The following CTTNBP2NL variants were observed in gnomAD, a reference collection of about 807,000 sequenced individuals.
CTTNBP2NL encodes CTTNBP2 N-terminal like.
A neutral mutation model predicts 32.5 loss-of-function variants in CTTNBP2NL; 16 were observed. The ratio of observed to expected loss-of-function variants is 0.49; its 90% CI spans 0.33 to 0.75. The LOEUF (loss-of-function observed/expected upper bound fraction) is 0.75, where lower values mean the gene tolerates loss of function less well. Among genes scored for constraint, CTTNBP2NL ranks in the 30% least tolerant of loss-of-function variants. The pLI is 0.02. For missense variants in CTTNBP2NL, 645 were observed against 756.0 expected (o/e 0.85, Z 1.72); for synonymous variants, 298 against 289.4 (o/e 1.03, Z -0.30).
chr1:112,411,805 C>A (rs1192907227), intron 1 of CTTNBP2NL, among the ~76,000 whole-genome samples: 2 of 151,974 alleles, frequency 1.3e-5, no homozygotes, highest in South Asian at 2.1e-4. Context: ...GCCTTAGCCT[C>A]GTGAGTAGCT....
chr1:112,429,695 A>C (rs1305351832), intron 3 of CTTNBP2NL, among the ~76,000 whole-genome samples: 1 of 152,222 alleles, frequency 6.6e-6, no homozygotes, highest in Non-Finnish European at 1.5e-5. Context: ...TGCTAGAAAC[A>C]ATTTAGTGTC....
Position 112,416,264 on chromosome 1 carries a change from G to T in CTTNBP2NL, c.99G>T (p.Lys33Asn). ...EARDLVIEAL[K>N]AQHRDTFIEE... ...GGGACCTTGTTATAGAAGCCTTAAA[G>T]GTATGTTAAAAGAAAAAAAAAAAGA... The change falls in exon 3 of 6, where the codon AAG becomes AAT. Residue 33 changes from lysine (K) to asparagine (N), a missense_variant and splice_region_variant. Coordinates refer to ENST00000271277, the MANE Select transcript of CTTNBP2NL (RefSeq NM_018704.3). The T allele has an allele frequency of 3.4e-6, 5 of 1,486,562 alleles. No individual in the cohort carries two copies. The highest frequency in any genetic ancestry group is 4.6e-6 in the Non-Finnish European group (5 of 1,087,826). The allele number at this position is 1,486,562 out of a possible 1,614,324, so 92.1% of individuals were successfully genotyped here. A position where few individuals can be genotyped will look rare whatever the true frequency, so the allele number is the denominator to read the frequency against.
intron 4 of CTTNBP2NL, among the ~76,000 whole-genome samples, chr1:112,452,130 A>T (rs1650238413): frequency 6.6e-6 from 1 of 152,124 alleles, no homozygotes; most frequent in African/African-American, 2.4e-5. Flanking sequence ...GAAAAATTAG[A>T]TTAAAAAAAG....
intron 3 of CTTNBP2NL, among the ~76,000 whole-genome samples, chr1:112,432,957 C>G (rs1649611753): frequency 6.6e-6 from 1 of 152,102 alleles, no homozygotes; most frequent in Admixed American, 6.5e-5. Flanking sequence ...GATGACCTAA[C>G]TCAGCATTCA....
At chr1:112,397,183 A>T (rs992687102) in intron 1 of CTTNBP2NL, among the ~76,000 whole-genome samples, 1 of 152,220 alleles carries the variant, frequency 6.6e-6, no homozygotes, top group Non-Finnish European at 1.5e-5. Context: ...AATGAATAAC[A>T]CCATGTTTTC....
intron 4 of CTTNBP2NL, among the ~76,000 whole-genome samples, chr1:112,450,760 A>G (rs1311760788): frequency 7.1e-6 from 1 of 140,910 alleles, no homozygotes; most frequent in Non-Finnish European, 1.5e-5. Context: ...CAAAGTACCT[A>G]TCTATTCTTT....
intron 3 of CTTNBP2NL, among the ~76,000 whole-genome samples, chr1:112,426,385 T>G (rs1236338123): frequency 1.3e-5 from 2 of 152,078 alleles, no homozygotes; most frequent in Non-Finnish European, 1.5e-5. Flanking sequence ...CTAAATTCTG[T>G]AATTTAATTT....
intron 3 of CTTNBP2NL, among the ~76,000 whole-genome samples, 189 bp downstream of exon 3, chr1:112,416,453 A>C (rs1326254386): frequency 6.6e-6 from 1 of 152,126 alleles, no homozygotes; most frequent in South Asian, 2.1e-4. Flanking sequence ...TCTGTTTTCA[A>C]AATAGTTCCC....
At chr1:112,437,147 A>C (rs763273699) in intron 3 of CTTNBP2NL, among the ~76,000 whole-genome samples, 46 of 152,240 alleles carry the variant, frequency 3.0e-4, no homozygotes, top group Non-Finnish European at 4.7e-4. Context: ...TCCTTTGGGT[A>C]TATATTGAGT....
In CTTNBP2NL at chr1:112,458,814, A is replaced by T. The variant is rs915909568; in HGVS notation, c.*1402A>T. On this transcript the variant is annotated 3_prime_UTR_variant, in exon 6 of 6. Coordinates refer to ENST00000271277, the MANE Select transcript of CTTNBP2NL (RefSeq NM_018704.3). The stretch of plus-strand genomic sequence containing the variant: ...TAGTGAGACCCCATCTCTATTAAAA[A>T]AATAAATAGGCAGAGCTAAACTAAC... 1 of 152,224 alleles carries T rather than the reference A, an allele frequency of 6.6e-6. No individual in the cohort carries two copies. The highest frequency in any genetic ancestry group is 1.5e-5 in the Non-Finnish European group (1 of 68,056). 9.4% of individuals were successfully genotyped at this position (152,224 alleles called of 1,614,324 possible).
intron 5 of CTTNBP2NL, 33 bp from the exon 6 acceptor site, chr1:112,455,898 G>T (rs1422940495): frequency 1.3e-6 from 2 of 1,506,864 alleles, no homozygotes; most frequent in Non-Finnish European, 1.8e-6. Context: ...ATCACAGTTT[G>T]TCAGTATGTC....
chr1:112,450,176 A>G (rs1557897535), intron 4 of CTTNBP2NL, among the ~76,000 whole-genome samples: 3 of 152,234 alleles, frequency 2.0e-5, no homozygotes, highest in Admixed American at 6.5e-5. Flanking sequence ...ATTGCATCTG[A>G]TACATTTTCT....
At chr1:112,454,330 CGTTT>C (rs760823065) in intron 4 of CTTNBP2NL, 115 bp from the exon 5 acceptor site, 86 of 689,164 alleles carry the variant, frequency 1.2e-4, no homozygotes, top group Middle Eastern at 1.1e-3. Context: ...TTCATTTATT[CGTTT>C]GTTTGTTTGA....
rs1373394418 is a variant in CTTNBP2NL, at chr1:112,460,153, T to G, written c.*2741T>G. 2 of 152,254 alleles carry G rather than the reference T, an allele frequency of 1.3e-5. No individual in the cohort carries two copies. Among genetic ancestry groups the G allele is most frequent in the Non-Finnish European group, 2.9e-5 (2 of 68,034 alleles). The allele number at this position is 152,254 out of a possible 1,614,324, so 9.4% of individuals were successfully genotyped here. A position where few individuals can be genotyped will look rare whatever the true frequency, so the allele number is the denominator to read the frequency against. On this transcript the variant is annotated 3_prime_UTR_variant, in exon 6 of 6. Transcript: ENST00000271277. ...ATATAACACAAGCATTAACTAGGCA[T>G]TAACGTTTGTAAAGCCAAATATACC...
At chr1:112,423,990 T>C (rs1649315495) in intron 3 of CTTNBP2NL, among the ~76,000 whole-genome samples, 1 of 152,250 alleles carries the variant, frequency 6.6e-6, no homozygotes, top group South Asian at 2.1e-4. Context: ...CCCAAAGTGC[T>C]GGGATTACAG....
intron 3 of CTTNBP2NL, among the ~76,000 whole-genome samples, chr1:112,426,495 C>A (rs1649399665): frequency 6.6e-6 from 1 of 151,064 alleles, no homozygotes; most frequent in African/African-American, 2.4e-5. Flanking sequence ...AGTTGAAGAC[C>A]AGCTTGGGCA....
At position 112,443,552 on chromosome 1, in the gene CTTNBP2NL, T is replaced by G. The variant is rs1410386533; in HGVS notation, c.100-5390T>G. On this transcript the variant is annotated intron_variant, in intron 3 of 5. Transcript: ENST00000271277. ...TCAGTAGAGATGGGGTTGCACCACATTGGCCAGGCTGTTCTTGAACTCCTG... is the reference window on the plus strand; with the variant it reads ...TCAGTAGAGATGGGGTTGCACCACAGTGGCCAGGCTGTTCTTGAACTCCTG... Among the ~76,000 whole-genome samples, 3 of 152,150 alleles carry G rather than the reference T, an allele frequency of 2.0e-5. No individual in the cohort carries two copies. The South Asian group carries it at 6.2e-4, about 32-fold the overall frequency.
chr1:112,414,378 A>G (rs1048148729), intron 2 of CTTNBP2NL, among the ~76,000 whole-genome samples: 1 of 152,176 alleles, frequency 6.6e-6, no homozygotes, highest in African/African-American at 2.4e-5. Flanking sequence ...AAAGAAAATT[A>G]GCAGTTAGAG....
intron 3 of CTTNBP2NL, among the ~76,000 whole-genome samples, chr1:112,421,079 T>G (rs1325030466): frequency 1.3e-5 from 2 of 152,152 alleles, no homozygotes; most frequent in Non-Finnish European, 2.9e-5. Flanking sequence ...TGGTTATTAT[T>G]ATTAGAACAG....
Sources: gnomAD v4.1 joint callset for allele counts (sites outside exome capture counted in the v4.1 genomes callset) on GRCh38, gnomAD v4.1.1 for gene constraint, MANE v1.5 for transcripts, NCBI Gene and HGNC (gene_info 2026-07-23, HGNC 2026-07-21) for gene names.